Variants in DDC observed in about 807,000 individuals in gnomAD.
The protein encoded by DDC is aromatic-L-amino-acid decarboxylase.
Under a neutral mutation model 60.0 loss-of-function variants are expected in DDC, and 43 were observed. That is an observed-to-expected ratio of 0.72 (90% confidence interval 0.56 to 0.92). The LOEUF (loss-of-function observed/expected upper bound fraction) is 0.92, where lower values mean the gene tolerates loss of function less well. DDC is among the 40% of genes least tolerant of loss of function. The pLI, the probability that DDC is intolerant of heterozygous loss-of-function variation, is 0.00. For synonymous variants in DDC, 232 were observed against 234.6 expected (o/e 0.99, Z 0.10); for missense variants, 573 against 620.2 (o/e 0.92, Z 0.81).
intron 6 of DDC, among the ~76,000 whole-genome samples, chr7:50,525,898 A>T (rs74320881): frequency 7.6e-6 from 1 of 132,304 alleles, no homozygotes; most frequent in Non-Finnish European, 1.8e-5. Context: ...CATGGAGATT[A>T]AAAAAAAAAA....
At chr7:50,533,409 C>T (rs2044283462) in intron 4 of DDC, among the ~76,000 whole-genome samples, 1 of 151,974 alleles carries the variant, frequency 6.6e-6, no homozygotes, top group Admixed American at 6.6e-5. Context: ...GATTCTCCTG[C>T]CTCAACCTCC....
intron 11 of DDC, among the ~76,000 whole-genome samples, chr7:50,472,780 T>C (rs891780115): frequency 4.6e-5 from 7 of 152,128 alleles, no homozygotes; most frequent in Non-Finnish European, 1.0e-4. Flanking sequence ...GGACTAACAC[T>C]CTGTCCTCGT....
intron 4 of DDC, among the ~76,000 whole-genome samples, chr7:50,535,604 C>T (rs1257029034): frequency 1.3e-5 from 2 of 152,218 alleles, no homozygotes; most frequent in Non-Finnish European, 2.9e-5. Context: ...CGGCATGTGG[C>T]CTATTCAGGA....
At chr7:50,541,325 G>A (rs78925043) in intron 2 of DDC, 8,263 of 152,398 alleles carry the variant, frequency 0.054, 295 homozygotes, top group Non-Finnish European at 0.082. Context: ...ATGAAAGCAC[G>A]TGCTCTGATG....
intron 1 of DDC, among the ~76,000 whole-genome samples, chr7:50,557,651 C>T (rs1424794688): frequency 1.3e-5 from 2 of 152,204 alleles, no homozygotes; most frequent in Non-Finnish European, 2.9e-5. Context: ...ATGACACCAT[C>T]CATCCCCACT....
chr7:50,475,465 C>A (rs775639032), intron 11 of DDC, among the ~76,000 whole-genome samples: 56 of 152,132 alleles, frequency 3.7e-4, no homozygotes, highest in Non-Finnish European at 5.7e-4. Flanking sequence ...CTAGGACCAG[C>A]CTTGATGGCT....
rs1331401728 is a variant in DDC at position 50,528,256 on chromosome 7, C to T, written c.595G>A (p.Gly199Arg). Residue 199 changes from glycine (G) to arginine (R), a missense_variant, in exon 6 of 15, where the codon GGG (glycine) becomes AGG (arginine). Coordinates refer to ENST00000444124, the MANE Select transcript of DDC (RefSeq NM_001082971.2). ...TTTAATTTCACTCCACCAATTAACC[C>T]AGCTCTTTCCACTGAGGAGTGTGCC... ...DQAHSSVERA[G>R]LIGGVKLKAI... is the part of the protein sequence containing the mutation. 1 of 1,614,164 alleles carries T rather than the reference C, an allele frequency of 6.2e-7. No individual in the cohort carries two copies. The highest frequency in any genetic ancestry group is 8.5e-7 in the Non-Finnish European group (1 of 1,180,026).
chr7:50,525,404 A>G (rs2044010543), intron 6 of DDC, among the ~76,000 whole-genome samples: 1 of 152,222 alleles, frequency 6.6e-6, no homozygotes, highest in African/African-American at 2.4e-5. Context: ...AAATTGGGTG[A>G]AGGGTTAGTA....
At chr7:50,475,723 T>G (rs1453308084) in intron 11 of DDC, among the ~76,000 whole-genome samples, 2 of 150,512 alleles carry the variant, frequency 1.3e-5, no homozygotes, top group Non-Finnish European at 3.0e-5. Context: ...AGAGTTTCAC[T>G]CTGTCACCCA....
intron 6 of DDC, among the ~76,000 whole-genome samples, chr7:50,509,976 T>C (rs1022460320): frequency 7.2e-6 from 1 of 138,794 alleles, no homozygotes; most frequent in Non-Finnish European, 1.7e-5. Flanking sequence ...TACTTACGTA[T>C]CTTTTTTTTT....
At chr7:50,560,188 A>G (rs2045309616) in intron 1 of DDC, among the ~76,000 whole-genome samples, 1 of 152,178 alleles carries the variant, frequency 6.6e-6, no homozygotes, top group African/African-American at 2.4e-5. Context: ...ACAGAGGACC[A>G]GCTTTTGTGC....
intron 1 of DDC, among the ~76,000 whole-genome samples, chr7:50,550,000 C>T (rs2044934697): frequency 6.6e-6 from 1 of 152,144 alleles, no homozygotes; most frequent in Non-Finnish European, 1.5e-5. Flanking sequence ...AACTGAGTTG[C>T]TAAAGCAGCA....
At chr7:50,558,680 G>A (rs1365258142) in intron 1 of DDC, among the ~76,000 whole-genome samples, 8 of 151,998 alleles carry the variant, frequency 5.3e-5, no homozygotes, top group African/African-American at 1.7e-4. Context: ...TGAAGGAGTG[G>A]GTGCTGGTGT....
chr7:50,499,015 G>A (rs891065044), intron 8 of DDC, 133 bp downstream of exon 8: 117 of 741,832 alleles, frequency 1.6e-4, no homozygotes, highest in Non-Finnish European at 1.5e-4. Flanking sequence ...TGAGGAAGTC[G>A]GAATTGGTTC....
chr7:50,513,505 G>A (rs972023272), intron 6 of DDC, among the ~76,000 whole-genome samples: 9 of 152,132 alleles, frequency 5.9e-5, no homozygotes, highest in Non-Finnish European at 7.4e-5. Context: ...GTGCAAATCC[G>A]GTGTGCAGGC....
intron 6 of DDC, among the ~76,000 whole-genome samples, chr7:50,516,794 T>C (rs185773771): frequency 6.6e-6 from 1 of 152,266 alleles, no homozygotes. Flanking sequence ...AAGGCTACTA[T>C]GAGCACATTT....
At chr7:50,465,448 G>A (rs2042373363) in intron 13 of DDC, among the ~76,000 whole-genome samples, 1 of 79,644 alleles carries the variant, frequency 1.3e-5, no homozygotes, top group African/African-American at 5.3e-5. Context: ...TCAGCTCACT[G>A]CAACCTCCGC....
chr7:50,478,572 C>A (rs932711890), intron 10 of DDC, among the ~76,000 whole-genome samples: 1 of 152,172 alleles, frequency 6.6e-6, no homozygotes, highest in Non-Finnish European at 1.5e-5. Context: ...TCTGCTTCTC[C>A]GTGAATCTGC....
At chr7:50,506,840 G>A (rs1234256525) in intron 6 of DDC, among the ~76,000 whole-genome samples, 2 of 152,240 alleles carry the variant, frequency 1.3e-5, no homozygotes. Flanking sequence ...TCCTGGTGCT[G>A]TCAGCATCCT....
Sources: gnomAD v4.1 joint callset for allele counts (sites outside exome capture counted in the v4.1 genomes callset) on GRCh38, gnomAD v4.1.1 for gene constraint, MANE v1.5 for transcripts, NCBI Gene and HGNC (gene_info 2026-07-23, HGNC 2026-07-21) for gene names.